Variants in EEF2K observed in about 807,000 individuals in gnomAD.
EEF2K encodes alternative protein EEF2K.
EEF2K carries 70 observed loss-of-function variants against 93.8 expected under a neutral mutation model. That is an observed-to-expected ratio of 0.75 (90% CI 0.62 to 0.91). EEF2K has a LOEUF of 0.91. EEF2K is among the 40% of genes least tolerant of loss of function. The probability of loss-of-function intolerance (pLI) is 0.00; values close to 1 mark genes in which losing one functional copy is unlikely to be tolerated. For missense variants in EEF2K, 935 were observed against 972.9 expected (o/e 0.96, Z 0.52); for synonymous variants, 376 against 380.8 (o/e 0.99, Z 0.15).
rs1598213071 is a variant in EEF2K at position 22,284,361 on chromosome 16, A to C, written c.*365A>C. On this transcript the variant is annotated 3_prime_UTR_variant, in exon 18 of 18. Coordinates refer to ENST00000263026, the MANE Select transcript of EEF2K (RefSeq NM_013302.5). ...AGTGACATGATCTTAGCTCACTGCA[A>C]CCTCCGCCTCCTGGGTTCAAGTGAT... 1 of 187,506 alleles carries C rather than the reference A, an allele frequency of 5.3e-6. No homozygotes were observed. Among genetic ancestry groups the C allele is most frequent in the South Asian group, 1.0e-4 (1 of 9,890 alleles). 11.6% of individuals were successfully genotyped at this position (187,506 alleles called of 1,614,324 possible). A position where few individuals can be genotyped will look rare whatever the true frequency, so the allele number is the denominator to read the frequency against.
chr16:22,255,953 A>G (rs971044531), intron 6 of EEF2K, among the ~76,000 whole-genome samples: 1 of 151,640 alleles, frequency 6.6e-6, no homozygotes, highest in South Asian at 2.1e-4. Flanking sequence ...TCACTCTGTC[A>G]TCCAGGCTGG....
chr16:22,279,663 C>T (rs1178663336), intron 16 of EEF2K, among the ~76,000 whole-genome samples: 4 of 151,936 alleles, frequency 2.6e-5, no homozygotes, highest in South Asian at 4.1e-4. Context: ...TGTAGAGACA[C>T]GGTCTCTCTA....
At chr16:22,252,820 A>T (rs1223037335) in intron 6 of EEF2K, among the ~76,000 whole-genome samples, 2 of 152,214 alleles carry the variant, frequency 1.3e-5, no homozygotes, top group Non-Finnish European at 2.9e-5. Flanking sequence ...CTGGTGGCAG[A>T]CAAGAGAGAT....
chr16:22,242,808 G>T (rs1407942885), intron 2 of EEF2K, among the ~76,000 whole-genome samples: 1 of 152,098 alleles, frequency 6.6e-6, no homozygotes, highest in Non-Finnish European at 1.5e-5. Context: ...AATTATCTGA[G>T]GCCAGAGTTA....
intron 7 of EEF2K, 65 bp from the exon 8 acceptor site, chr16:22,257,188 G>A: frequency 1.9e-6 from 3 of 1,609,060 alleles, no homozygotes; most frequent in Non-Finnish European, 2.5e-6. Flanking sequence ...GCAGAGGCGT[G>A]GCCAGTGCCT....
intron 3 of EEF2K, among the ~76,000 whole-genome samples, chr16:22,247,781 A>T (rs1469010785): frequency 6.6e-6 from 1 of 152,114 alleles, no homozygotes; most frequent in African/African-American, 2.4e-5. Context: ...CATGACCCTT[A>T]TGATGGGGAG....
rs1319879162 is a variant in EEF2K at position 22,258,527 on chromosome 16, GA to G, written c.1068del (p.Lys356AsnfsTer7). 17 of 1,613,890 alleles carry G rather than the reference GA, an allele frequency of 1.1e-5. No homozygotes were observed. The highest frequency in any genetic ancestry group is 1.4e-5 in the Non-Finnish European group (16 of 1,180,018). On this transcript the variant is annotated frameshift_variant, in exon 10 of 18. Transcript: ENST00000263026. LOFTEE classifies it high-confidence loss of function. ...CAAGACCATCTTGAGAGGAACAGAG[GA>G]AAAATGTGGGAGCCCCCAAGTAAGG... is the stretch of plus-strand genomic sequence containing the variant. ...SAKTILRGTEEKCGSPQVRTL... is the reference protein window; with the variant it reads ...SAKTILRGTEXKCGSPQVRTL...
intron 11 of EEF2K, among the ~76,000 whole-genome samples, chr16:22,261,360 G>A (rs1259277307): frequency 3.3e-5 from 5 of 151,616 alleles, no homozygotes; most frequent in Admixed American, 6.6e-5. Context: ...GGGTGACAGC[G>A]AGATCTTGTC....
chr16:22,270,243 C>T (rs951335510), intron 15 of EEF2K, among the ~76,000 whole-genome samples: 2 of 151,882 alleles, frequency 1.3e-5, no homozygotes, highest in South Asian at 2.1e-4. Flanking sequence ...CTTGGCTCCC[C>T]GAGTAGCTGG....
chr16:22,258,436 G>C (rs148528298), intron 9 of EEF2K, 58 bp from the exon 10 acceptor site: 24 of 1,564,856 alleles, frequency 1.5e-5, no homozygotes, highest in Non-Finnish European at 2.0e-5. Flanking sequence ...AACAGGAAGA[G>C]CCCTTTAATT....
intron 2 of EEF2K, among the ~76,000 whole-genome samples, chr16:22,244,090 G>A (rs1388931402): frequency 5.3e-5 from 8 of 151,744 alleles, no homozygotes; most frequent in South Asian, 2.1e-4. Context: ...GTAGCAGTGC[G>A]TGGTGGCGGG....
chr16:22,220,024 A>G (rs2046995962), intron 1 of EEF2K, among the ~76,000 whole-genome samples: 4 of 152,186 alleles, frequency 2.6e-5, no homozygotes, highest in Admixed American at 1.3e-4. Flanking sequence ...ACTTGTTCAC[A>G]TGTTTATATC....
intron 15 of EEF2K, among the ~76,000 whole-genome samples, chr16:22,269,637 G>T (rs976608366): frequency 9.9e-5 from 15 of 152,046 alleles, no homozygotes; most frequent in African/African-American, 3.6e-4. Context: ...CTTGGCCTCA[G>T]GTGATTCACC....
At chr16:22,236,915 A>G (rs1272723180) in intron 2 of EEF2K, among the ~76,000 whole-genome samples, 3 of 109,170 alleles carry the variant, frequency 2.7e-5, no homozygotes, top group Non-Finnish European at 3.9e-5. Context: ...TCCTTTTTTT[A>G]TGAAATATCC....
At chr16:22,271,117 G>A (rs1175009946) in intron 15 of EEF2K, among the ~76,000 whole-genome samples, 2 of 151,572 alleles carry the variant, frequency 1.3e-5, no homozygotes, top group Non-Finnish European at 2.9e-5. Flanking sequence ...TTACAGATGT[G>A]CACCACCACG....
At chr16:22,231,998 CAAA>C (rs35198909) in intron 2 of EEF2K, among the ~76,000 whole-genome samples, 11 of 65,988 alleles carry the variant, frequency 1.7e-4, no homozygotes, top group East Asian at 5.0e-4. Flanking sequence ...CTTAAACAAA[CAAA>C]AAAAAAAAAA....
In EEF2K at chr16:22,285,986, G is replaced by C. The variant is rs1567295296; in HGVS notation, c.*1990G>C. The C allele has an allele frequency of 1.3e-5, 2 of 152,176 alleles. No individual in the cohort carries two copies. The highest frequency in any genetic ancestry group is 4.8e-5 in the African/African-American group (2 of 41,438). 9.4% of individuals were successfully genotyped at this position (152,176 alleles called of 1,614,324 possible). On this transcript the variant is annotated 3_prime_UTR_variant, in exon 18 of 18. Coordinates refer to ENST00000263026, the MANE Select transcript of EEF2K (RefSeq NM_013302.5). ...TGGGATTACAGGCAGGAGCCACTGA[G>C]CCCAGCCAAGACTTCAGTGTTGACT...
intron 3 of EEF2K, 110 bp from the exon 4 acceptor site, chr16:22,248,644 TG>T: frequency 7.8e-7 from 1 of 1,276,462 alleles, no homozygotes; most frequent in African/African-American, 1.5e-5. Flanking sequence ...AGGTGGAGAG[TG>T]GGTTGGTTCT....
intron 1 of EEF2K, among the ~76,000 whole-genome samples, chr16:22,207,186 G>T (rs1036403955): frequency 1.3e-5 from 2 of 152,238 alleles, no homozygotes; most frequent in African/African-American, 4.8e-5. Context: ...GTGCCAAGGG[G>T]CTGGGCATTA....
Sources: gnomAD v4.1 joint callset for allele counts (sites outside exome capture counted in the v4.1 genomes callset) on GRCh38, gnomAD v4.1.1 for gene constraint, MANE v1.5 for transcripts, NCBI Gene and HGNC (gene_info 2026-07-23, HGNC 2026-07-21) for gene names.